CHST9: variants seen among roughly 807,000 people sequenced by gnomAD.
The protein encoded by CHST9 is carbohydrate sulfotransferase 9.
In CHST9, 41 loss-of-function variants were observed where a neutral mutation model predicts 44.4. That is an observed-to-expected ratio of 0.92 (90% CI 0.72 to 1.20). The LOEUF (loss-of-function observed/expected upper bound fraction) is 1.20. CHST9 is among the 50% of genes most tolerant of loss of function. The probability of loss-of-function intolerance (pLI) is 0.00; values close to 1 mark genes in which losing one functional copy is unlikely to be tolerated. For synonymous variants in CHST9, 171 were observed against 178.4 expected, an observed-to-expected ratio of 0.96 and a Z score of 0.33; for missense variants, 504 against 516.5, an observed-to-expected ratio of 0.98 and a Z score of 0.23.
chr18:27,162,775 G>T (rs138310723), intron 1 of CHST9, among the ~76,000 whole-genome samples: 1,681 of 152,228 alleles, frequency 0.011, 29 homozygotes, highest in African/African-American at 0.037. Context: ...CTTTAGCTCG[G>T]AGTAGTTTGA....
At chr18:27,093,216 G>A (rs928318131) in intron 2 of CHST9, among the ~76,000 whole-genome samples, 1 of 152,232 alleles carries the variant, frequency 6.6e-6, no homozygotes, top group African/African-American at 2.4e-5. Context: ...ACCCACTTGA[G>A]GAGGCAGTCT....
At chr18:26,922,097 C>T (rs9955792) in intron 5 of CHST9, among the ~76,000 whole-genome samples, 4,173 of 152,152 alleles carry the variant, frequency 0.027, 197 homozygotes, top group African/African-American at 0.093. Flanking sequence ...TATCAGTGAA[C>T]GTCCCCATTC....
At chr18:26,959,018 A>G (rs1265151320) in intron 4 of CHST9, among the ~76,000 whole-genome samples, 2 of 152,204 alleles carry the variant, frequency 1.3e-5, no homozygotes, top group African/African-American at 4.8e-5. Flanking sequence ...ATATGCACTC[A>G]TATGTTCATT....
chr18:27,010,155 TC>T (rs1294281333), intron 4 of CHST9, among the ~76,000 whole-genome samples: 2 of 152,204 alleles, frequency 1.3e-5, no homozygotes, highest in Admixed American at 6.5e-5. Context: ...CGTATTTTTT[TC>T]ATATGAAGTA....
intron 4 of CHST9, among the ~76,000 whole-genome samples, chr18:27,020,107 C>T (rs147794201): frequency 1.8e-3 from 274 of 152,240 alleles, no homozygotes; most frequent in African/African-American, 6.3e-3. Context: ...TGGCATGACA[C>T]TAGGAGATTA....
intron 4 of CHST9, among the ~76,000 whole-genome samples, chr18:27,008,091 C>A (rs8097370): frequency 6.6e-6 from 1 of 152,042 alleles, no homozygotes; most frequent in African/African-American, 2.4e-5. Flanking sequence ...ATAGGAGGGA[C>A]GACTCACCAC....
chr18:27,063,401 A>G (rs1291591526), intron 2 of CHST9, among the ~76,000 whole-genome samples: 1 of 152,232 alleles, frequency 6.6e-6, no homozygotes, highest in African/African-American at 2.4e-5. Context: ...GCTTATCCTA[A>G]GGAGATAAAA....
chr18:27,068,659 A>T (rs1359859613), intron 2 of CHST9, among the ~76,000 whole-genome samples: 2 of 152,232 alleles, frequency 1.3e-5, no homozygotes, highest in East Asian at 1.9e-4. Context: ...TTGAATTTGT[A>T]CCCTATATTC....
At chr18:27,135,275 T>C (rs2058504345) in intron 2 of CHST9, among the ~76,000 whole-genome samples, 1 of 152,136 alleles carries the variant, frequency 6.6e-6, no homozygotes, top group African/African-American at 2.4e-5. Context: ...AACAAATACT[T>C]GTTTGGGAAG....
chr18:27,141,069 C>T (rs1032183756), intron 2 of CHST9, among the ~76,000 whole-genome samples: 8 of 152,126 alleles, frequency 5.3e-5, no homozygotes, highest in Admixed American at 1.3e-4. Flanking sequence ...GAGTTCAAGA[C>T]GAGCCTGGGC....
At chr18:27,149,969 C>A (rs1402858265) in intron 1 of CHST9, among the ~76,000 whole-genome samples, 1 of 151,764 alleles carries the variant, frequency 6.6e-6, no homozygotes, top group African/African-American at 2.4e-5. Context: ...AAATATATAT[C>A]TAAGTTTTTG....
intron 2 of CHST9, among the ~76,000 whole-genome samples, chr18:27,137,330 G>A (rs756492630): frequency 0.045 from 6,734 of 149,918 alleles, 298 homozygotes; most frequent in African/African-American, 0.093. Context: ...GTGTGTGTGT[G>A]TGTGTGTGTG....
intron 4 of CHST9, among the ~76,000 whole-genome samples, chr18:26,953,606 GA>G (rs1054087536): frequency 2.0e-5 from 3 of 152,152 alleles, no homozygotes; most frequent in African/African-American, 7.2e-5. Flanking sequence ...GCCTGTTGAA[GA>G]AATGTTTGAA....
chr18:27,160,261 CTTA>C (rs2058734972), intron 1 of CHST9, among the ~76,000 whole-genome samples: 1 of 152,052 alleles, frequency 6.6e-6, no homozygotes, highest in Non-Finnish European at 1.5e-5. Flanking sequence ...ATGGATAGCT[CTTA>C]TTATTTTGAG....
chr18:27,184,069 A>G (rs1238068618), intron 1 of CHST9, among the ~76,000 whole-genome samples: 1 of 152,220 alleles, frequency 6.6e-6, no homozygotes, highest in African/African-American at 2.4e-5. Context: ...GCGAAGAAAA[A>G]TAAACATTGG....
chr18:26,952,334 G>A (rs2056260870), intron 4 of CHST9: 1 of 506,042 alleles, frequency 2.0e-6, no homozygotes, highest in Non-Finnish European at 4.0e-6. Flanking sequence ...CACCAACTAT[G>A]TCCTCAGGCA....
intron 2 of CHST9, among the ~76,000 whole-genome samples, chr18:27,061,401 C>G (rs1042461862): frequency 6.6e-6 from 1 of 152,114 alleles, no homozygotes; most frequent in Non-Finnish European, 1.5e-5. Flanking sequence ...TAAGACAGTT[C>G]CAAAAATTGT....
At chr18:27,022,016 G>A (rs369144411) in intron 4 of CHST9, among the ~76,000 whole-genome samples, 7 of 152,280 alleles carry the variant, frequency 4.6e-5, no homozygotes, top group Non-Finnish European at 5.9e-5. Context: ...AGCTCAGTGA[G>A]GTCACCCAGC....
chr18:26,949,200 T>C (rs2056208788), intron 4 of CHST9, among the ~76,000 whole-genome samples: 1 of 151,772 alleles, frequency 6.6e-6, no homozygotes, highest in Non-Finnish European at 1.5e-5. Flanking sequence ...GCCCAGGCAG[T>C]GAGAATGGGA....
Sources: gnomAD v4.1 joint callset for allele counts (sites outside exome capture counted in the v4.1 genomes callset) on GRCh38, gnomAD v4.1.1 for gene constraint, MANE v1.5 for transcripts, NCBI Gene and HGNC (gene_info 2026-07-23, HGNC 2026-07-21) for gene names.